Variants in DYRK1A observed in about 807,000 individuals in gnomAD.
DYRK1A encodes dual specificity tyrosine phosphorylation regulated kinase 1A.
DYRK1A carries 9 observed loss-of-function variants against 79.7 expected under a neutral mutation model. The observed-to-expected ratio is 0.11, with a 90% CI of 0.07 to 0.20. DYRK1A has a LOEUF of 0.20. Among genes scored for constraint, DYRK1A ranks in the 10% least tolerant of loss-of-function variants. DYRK1A has a pLI of 1.00. For synonymous variants in DYRK1A, 349 were observed against 329.7 expected (o/e 1.06, Z -0.63); for missense variants, 622 against 956.0 (o/e 0.65, Z 4.61).
chr21:37,374,630 G>A (rs1416845733), intron 1 of DYRK1A, among the ~76,000 whole-genome samples: 1 of 151,856 alleles, frequency 6.6e-6, no homozygotes, highest in East Asian at 1.9e-4. Context: ...TCGGTTTACT[G>A]CAAGCTCCGC....
rs777203601 is a variant in DYRK1A, at chr21:37,490,154, TGAAAC to T, written c.638-20_638-16del. 20 of 1,602,716 alleles carry T rather than the reference TGAAAC, an allele frequency of 1.2e-5. No homozygotes were observed. Among genetic ancestry groups the T allele is most frequent in the Middle Eastern group, 1.7e-4 (1 of 5,974 alleles). ...GTTTATTGGTATATATAATTTAAAA[TGAAAC>T]TGTTTTCTCTTTCAGTGCATTTGAA... On this transcript the variant is annotated splice_polypyrimidine_tract_variant and intron_variant, in intron 6 of 11. Transcript: ENST00000647188.
rs1224942657 is a variant in DYRK1A, at chr21:37,371,881, C to G, written c.-77+4253C>G. On this transcript the variant is annotated intron_variant, in intron 1 of 11. Transcript: ENST00000647188. ...ATAACATCCCTGTTCATTAAATAACCCCCTAATTTTTCTTGAGTGTATAAC... is the reference window on the plus strand; with the variant it reads ...ATAACATCCCTGTTCATTAAATAACGCCCTAATTTTTCTTGAGTGTATAAC... Among the ~76,000 whole-genome samples, 4 of 152,132 alleles carry G rather than the reference C, an allele frequency of 2.6e-5. No homozygotes were observed. The East Asian group carries it at 7.7e-4, about 29-fold the overall frequency.
intron 3 of DYRK1A, among the ~76,000 whole-genome samples, chr21:37,474,330 G>A (rs572249769): frequency 7.2e-5 from 11 of 152,274 alleles, no homozygotes; most frequent in African/African-American, 2.4e-4. Flanking sequence ...TATAAAATAA[G>A]AGATATTTCA....
chr21:37,385,672 A>C (rs551755449), intron 1 of DYRK1A, among the ~76,000 whole-genome samples: 2 of 152,208 alleles, frequency 1.3e-5, no homozygotes, highest in Non-Finnish European at 2.9e-5. Context: ...GCCTCCATCA[A>C]AGTTCTCTGA....
chr21:37,488,532 A>G (rs2052958421), intron 6 of DYRK1A: 1 of 973,366 alleles, frequency 1.0e-6, no homozygotes. Context: ...TAGTTAAAAG[A>G]AAATTTAGTT....
intron 1 of DYRK1A, among the ~76,000 whole-genome samples, chr21:37,398,629 T>A (rs560606786): frequency 6.6e-6 from 1 of 152,350 alleles, no homozygotes; most frequent in South Asian, 2.1e-4. Flanking sequence ...ACTTGATGCC[T>A]TTGGTGTCCT....
intron 1 of DYRK1A, among the ~76,000 whole-genome samples, chr21:37,399,512 G>A (rs1290071393): frequency 6.6e-6 from 1 of 152,104 alleles, no homozygotes; most frequent in African/African-American, 2.4e-5. Context: ...CAGATGTTTG[G>A]GGTAAAGTAG....
At chr21:37,370,486 T>A (rs149506773) in intron 1 of DYRK1A, among the ~76,000 whole-genome samples, 31 of 152,318 alleles carry the variant, frequency 2.0e-4, no homozygotes, top group African/African-American at 5.8e-4. Context: ...GCTTCACTTG[T>A]GACTTTCTTG....
intron 2 of DYRK1A, among the ~76,000 whole-genome samples, chr21:37,470,186 ATAG>A (rs2052174461): frequency 6.6e-6 from 1 of 152,106 alleles, no homozygotes; most frequent in Admixed American, 6.6e-5. Context: ...GGAGGTCAGG[ATAG>A]TAGTAACTTT....
chr21:37,519,736 G>GTTTTTTTTTTTTTTTTTTTTTTTTTTT lies in DYRK1A; in HGVS notation c.*7228_*7229insTTTTTTTTTTTTTTTTTTTTTTTTTTT, dbSNP rs10590534. 4 of 85,802 alleles carry GTTTTTTTTTTTTTTTTTTTTTTTTTTT rather than the reference G, an allele frequency of 4.7e-5. No individual in the cohort carries two copies. The highest frequency in any genetic ancestry group is 1.3e-4 in the Admixed American group (1 of 7,832). The allele number at this position is 85,802 out of a possible 1,614,324, so 5.3% of individuals were successfully genotyped here. On this transcript the variant is annotated 3_prime_UTR_variant, in exon 12 of 12. Transcript: ENST00000647188. The stretch of plus-strand genomic sequence containing the variant: ...AGAGTTTTGAGGTTTGTTGTGGGAA[G>GTTTTTTTTTTTTTTTTTTTTTTTTTTT]TTTTTTTTTTTTTTTTTTTTTTTGA...
intron 1 of DYRK1A, among the ~76,000 whole-genome samples, chr21:37,393,907 C>A (rs13050792): frequency 1.3e-5 from 2 of 152,134 alleles, no homozygotes; most frequent in Non-Finnish European, 2.9e-5. Context: ...CCCACAAGTG[C>A]GCAAAGTTGA....
intron 1 of DYRK1A, among the ~76,000 whole-genome samples, chr21:37,388,575 AAC>A (rs2049807881): frequency 6.6e-6 from 1 of 152,004 alleles, no homozygotes; most frequent in Non-Finnish European, 1.5e-5. Flanking sequence ...TATTTTTTTT[AAC>A]AGTTTATTTT....
intron 1 of DYRK1A, among the ~76,000 whole-genome samples, chr21:37,391,108 A>C (rs2049861890): frequency 6.6e-6 from 1 of 152,212 alleles, no homozygotes; most frequent in Non-Finnish European, 1.5e-5. Flanking sequence ...TTTGTTACCA[A>C]ATTTCAGAAC....
chr21:37,473,502 CG>C (rs1417833483), intron 3 of DYRK1A, among the ~76,000 whole-genome samples: 2 of 152,040 alleles, frequency 1.3e-5, no homozygotes, highest in Non-Finnish European at 2.9e-5. Context: ...GCACCGTCTA[CG>C]TTGAGTTTTG....
chr21:37,380,318 T>C (rs2148368893), intron 1 of DYRK1A, among the ~76,000 whole-genome samples: 1 of 152,346 alleles, frequency 6.6e-6, no homozygotes, highest in Non-Finnish European at 1.5e-5. Context: ...TTCTGTGATA[T>C]AAAAGATTGT....
intron 6 of DYRK1A, chr21:37,486,860 T>C (rs1218455941): frequency 1.6e-5 from 5 of 308,576 alleles, no homozygotes; most frequent in Admixed American, 1.0e-4. Context: ...TGTGTGTTTT[T>C]TATTTGCAAC....
At chr21:37,477,667 T>C (rs1475929289) in intron 3 of DYRK1A, among the ~76,000 whole-genome samples, 2 of 152,056 alleles carry the variant, frequency 1.3e-5, no homozygotes, top group African/African-American at 4.8e-5. Flanking sequence ...CTGGAGACAT[T>C]AGGAGCTGAA....
chr21:37,476,368 T>C (rs779746778), intron 3 of DYRK1A, among the ~76,000 whole-genome samples: 25 of 152,244 alleles, frequency 1.6e-4, no homozygotes, highest in Non-Finnish European at 2.9e-4. Context: ...GCTACTGTTA[T>C]TGTTACTTTA....
chr21:37,401,314 T>C (rs2050048642), intron 1 of DYRK1A, among the ~76,000 whole-genome samples: 2 of 152,182 alleles, frequency 1.3e-5, no homozygotes, highest in Non-Finnish European at 2.9e-5. Context: ...GTGGAAAGTT[T>C]TCATGGTCAT....
Sources: gnomAD v4.1 joint callset for allele counts (sites outside exome capture counted in the v4.1 genomes callset) on GRCh38, gnomAD v4.1.1 for gene constraint, MANE v1.5 for transcripts, NCBI Gene and HGNC (gene_info 2026-07-23, HGNC 2026-07-21) for gene names.